The following NBPF6 variants were observed in gnomAD, a reference collection of about 807,000 sequenced individuals.
The protein encoded by NBPF6 is NBPF family member NBPF6.
Under a neutral mutation model 20.8 loss-of-function variants are expected in NBPF6, and 2 were observed. The observed-to-expected ratio is 0.10, with a 90% CI of 0.04 to 0.30. The LOEUF (loss-of-function observed/expected upper bound fraction) is 0.30. Ranked by LOEUF, NBPF6 falls within the 10% of genes least tolerant of loss-of-function variation. The probability of loss-of-function intolerance (pLI) is 1.00; values close to 1 mark genes in which losing one functional copy is unlikely to be tolerated. For missense variants in NBPF6, 85 were observed against 260.3 expected (o/e 0.33, Z 4.63); for synonymous variants, 24 against 100.0 (o/e 0.24, Z 4.53).
chr1:108,469,595 C>T (rs1164287672), intron 14 of NBPF6, among the ~76,000 whole-genome samples: 1 of 145,676 alleles, frequency 6.9e-6, no homozygotes, highest in East Asian at 2.0e-4. Context: ...AAAACACAAA[C>T]TAATCCTTTT....
In NBPF6 at chr1:108,468,058, A is replaced by G. The variant is rs2257484; in HGVS notation, c.1875+393A>G. Among the ~76,000 whole-genome samples the G allele has an allele frequency of 7.3e-5, 11 of 151,150 alleles. 1 individual carries two copies. Among genetic ancestry groups the G allele is most frequent in the Admixed American group, 2.0e-4 (3 of 15,214 alleles). ...AACTCCATTGCCTCTTTGTGTAGAAATCATTGCTTTAATACGTCATTTACA... is the reference window on the plus strand; with the variant it reads ...AACTCCATTGCCTCTTTGTGTAGAAGTCATTGCTTTAATACGTCATTTACA... On this transcript the variant is annotated intron_variant, in intron 14 of 14. Transcript: ENST00000495380.
upstream of NBPF6, among the ~76,000 whole-genome samples, chr1:108,448,584 T>C (rs1362493522): frequency 1.7e-5 from 2 of 115,788 alleles, no homozygotes; most frequent in African/African-American, 6.2e-5. Context: ...TCTTCCAGCA[T>C]CACAGAAACC....
upstream of NBPF6, among the ~76,000 whole-genome samples, chr1:108,449,416 CTATATATATATATATA>C (rs1165819915): frequency 2.4e-3 from 21 of 8,846 alleles, no homozygotes; most frequent in African/African-American, 2.9e-3. Flanking sequence ...GTTAGAACAA[CTATATATATATATATA>C]TATATATATA....
rs1197129857 is a variant in NBPF6, at chr1:108,465,374, C to T, written c.1610C>T (p.Thr537Ile). The T allele has an allele frequency of 1.0e-6, 1 of 959,250 alleles. No homozygotes were observed. The highest frequency in any genetic ancestry group is 1.5e-5 in the South Asian group (1 of 65,522). 59.4% of individuals were successfully genotyped at this position (959,250 alleles called of 1,614,324 possible). Reference protein sequence around the residue: ...GLAQRGLSSTTCSFSANADSG... With the variant: ...GLAQRGLSSTICSFSANADSG... Reference sequence around the variant, plus strand: ...GCCCAGCGGGGCCTTTCCTCCACCACCTGCAGCTTCTCAGCCAATGCTGAT... The same window carrying T: ...GCCCAGCGGGGCCTTTCCTCCACCATCTGCAGCTTCTCAGCCAATGCTGAT... The change falls in exon 13 of 15, where the codon ACC becomes ATC. Residue 537 changes from threonine (T) to isoleucine (I), a missense_variant. Thr to Ile is a moderately conservative substitution (Grantham distance 89, BLOSUM62 -1). Transcript: ENST00000495380.
At chr1:108,459,170 C>A (rs1653013854) in intron 9 of NBPF6, 61 bp downstream of exon 9, 2 of 323,032 alleles carry the variant, frequency 6.2e-6, no homozygotes, top group Admixed American at 5.1e-5. Flanking sequence ...CTCATCTCCA[C>A]AGAAAACCAG....
At chr1:108,436,444 C>G in the NBPF6 span, among the ~76,000 whole-genome samples, 1 of 91,918 alleles carries the variant, frequency 1.1e-5, no homozygotes, top group East Asian at 3.3e-4. Context: ...AACCTCGTCT[C>G]TACTAAAAGC....
chr1:108,467,845 T>C (rs952017541), intron 14 of NBPF6, among the ~76,000 whole-genome samples, 180 bp downstream of exon 14: 6 of 150,808 alleles, frequency 4.0e-5, no homozygotes, highest in African/African-American at 1.5e-4. Context: ...TCTCTACCCA[T>C]CTTCTCTTTA....
Position 108,471,268 on chromosome 1 carries a change from G to C in NBPF6, c.*630G>C, listed in dbSNP as rs373453562. The stretch of plus-strand genomic sequence containing the variant: ...TGACATGGACTTGTTTGTGGAGGAC[G>C]GGTCAGCTCTCTGGCTCAATGGTCT... On this transcript the variant is annotated 3_prime_UTR_variant, in exon 15 of 15. Coordinates refer to ENST00000495380, the MANE Select transcript of NBPF6 (RefSeq NM_001143988.2). Among the ~76,000 whole-genome samples, 10 of 152,128 alleles carry C rather than the reference G, an allele frequency of 6.6e-5. No individual in the cohort carries two copies. The highest frequency in any genetic ancestry group is 1.9e-4 in the African/African-American group (8 of 41,426).
At chr1:108,459,762 T>C (rs1215403751) in intron 9 of NBPF6, among the ~76,000 whole-genome samples, 171 bp from the exon 10 acceptor site, 3 of 35,514 alleles carry the variant, frequency 8.4e-5, no homozygotes, top group Non-Finnish European at 2.1e-4. Context: ...TCTCTCTGTA[T>C]TGCAACCTAC....
intron 14 of NBPF6, among the ~76,000 whole-genome samples, chr1:108,470,148 C>T (rs1244397179): frequency 3.5e-5 from 3 of 86,538 alleles, no homozygotes; most frequent in East Asian, 5.6e-4. Context: ...CAGGGTTCTT[C>T]CCATGGCCCT....
At chr1:108,437,931 CTAAT>C in the NBPF6 span, among the ~76,000 whole-genome samples, 1 of 52,554 alleles carries the variant, frequency 1.9e-5, no homozygotes, top group Non-Finnish European at 4.2e-5. Flanking sequence ...AAGAAGGTCT[CTAAT>C]AAGTAACCTA....
intron 14 of NBPF6, among the ~76,000 whole-genome samples, chr1:108,469,829 T>G (rs1042748198): frequency 2.0e-5 from 3 of 150,520 alleles, no homozygotes; most frequent in Non-Finnish European, 4.4e-5. Context: ...TTATATATAT[T>G]TTTTATTTTT....
At chr1:108,452,844 T>C (rs1652913939) in intron 3 of NBPF6, among the ~76,000 whole-genome samples, 1 of 73,822 alleles carries the variant, frequency 1.4e-5, no homozygotes, top group Admixed American at 1.3e-4. Flanking sequence ...AGGACATCCT[T>C]GTGGAACTGA....
At chr1:108,448,287 T>G (rs1398101442), upstream of NBPF6, among the ~76,000 whole-genome samples, 56 of 146,072 alleles carry the variant, frequency 3.8e-4, no homozygotes, top group South Asian at 4.5e-3. Context: ...GACCTGACAT[T>G]CTGTGTCAGA....
At position 108,470,881 on chromosome 1, in the gene NBPF6, C is replaced by T. The variant is rs1653428683; in HGVS notation, c.*243C>T. ...CAGATGGACAAATAGCATTGACTGG[C>T]GTTAGCCCTGTTTCTCAATTCCCAT... On this transcript the variant is annotated 3_prime_UTR_variant, in exon 15 of 15. Transcript: ENST00000495380. 2 of 390,532 alleles carry T rather than the reference C, an allele frequency of 5.1e-6. No homozygotes were observed. Among genetic ancestry groups the T allele is most frequent in the South Asian group, 3.8e-5 (1 of 26,118 alleles). 24.2% of individuals were successfully genotyped at this position (390,532 alleles called of 1,614,324 possible).
rs1653446785 is a variant in NBPF6, at chr1:108,471,088, C to T, written c.*450C>T. Reference sequence around the variant, plus strand: ...TTGAACAGGACAACTGACATGTCTCCTTCAAACAGTCCATGTCACCACCAA... The same window carrying T: ...TTGAACAGGACAACTGACATGTCTCTTTCAAACAGTCCATGTCACCACCAA... On this transcript the variant is annotated 3_prime_UTR_variant, in exon 15 of 15. Transcript: ENST00000495380. 6.5e-6 allele frequency: 1 copy of T among 153,364 alleles called. No homozygotes were observed. The highest frequency in any genetic ancestry group is 6.5e-5 in the Admixed American group (1 of 15,310). The allele number at this position is 153,364 out of a possible 1,614,324, so 9.5% of individuals were successfully genotyped here. A position where few individuals can be genotyped will look rare whatever the true frequency, so the allele number is the denominator to read the frequency against.
At chr1:108,460,289 AGCTTT>A (rs1653071069) in intron 10 of NBPF6, among the ~76,000 whole-genome samples, 187 bp downstream of exon 10, 1 of 23,418 alleles carries the variant, frequency 4.3e-5, no homozygotes, top group Non-Finnish European at 7.2e-5. Context: ...TGGGTCAGTG[AGCTTT>A]GCTCTCTTCC....
rs1653451662 is a variant in NBPF6 at position 108,471,207 on chromosome 1, A to G, written c.*569A>G. Among the ~76,000 whole-genome samples, 1 of 152,176 alleles carries G rather than the reference A, an allele frequency of 6.6e-6. No individual in the cohort carries two copies. Among genetic ancestry groups the G allele is most frequent in the African/African-American group, 2.4e-5 (1 of 41,442 alleles). Reference sequence around the variant, plus strand: ...TTTTTAGTCATTTTGAACCCAAAACATCTCCTTATCTTTTTGTTGTTGTCA... The same window carrying G: ...TTTTTAGTCATTTTGAACCCAAAACGTCTCCTTATCTTTTTGTTGTTGTCA... On this transcript the variant is annotated 3_prime_UTR_variant, in exon 15 of 15. Transcript: ENST00000495380.
chr1:108,447,956 G>GA (rs1469490088), upstream of NBPF6, among the ~76,000 whole-genome samples: 1 of 146,872 alleles, frequency 6.8e-6, no homozygotes, highest in Non-Finnish European at 1.5e-5. Context: ...ACAGAAATCA[G>GA]AAAAAATATC....
Sources: gnomAD v4.1 joint callset for allele counts (sites outside exome capture counted in the v4.1 genomes callset) on GRCh38, gnomAD v4.1.1 for gene constraint, MANE v1.5 for transcripts, NCBI Gene and HGNC (gene_info 2026-07-23, HGNC 2026-07-21) for gene names.